The following UMAD1 variants were observed in gnomAD, a reference collection of about 807,000 sequenced individuals.
The protein encoded by UMAD1 is UBAP1-MVB12-associated (UMA)-domain containing protein 1.
A neutral mutation model predicts 6.1 loss-of-function variants in UMAD1; 8 were observed. The ratio of observed to expected loss-of-function variants is 1.30; its 90% CI spans 0.76 to 2.35. The LOEUF is 2.35. Among genes scored for constraint, UMAD1 ranks in the 30% most tolerant of loss-of-function variants. The pLI is 0.00. For missense variants in UMAD1, 130 were observed against 78.4 expected, an observed-to-expected ratio of 1.66 and a Z score of -2.49; for synonymous variants, 56 against 31.4, an observed-to-expected ratio of 1.78 and a Z score of -2.61.
At chr7:7,693,613 T>C (rs1780233647) in intron 2 of UMAD1, among the ~76,000 whole-genome samples, 1 of 152,162 alleles carries the variant, frequency 6.6e-6, no homozygotes, top group Non-Finnish European at 1.5e-5. Context: ...GGTGAAATTC[T>C]ACTATATTTT....
chr7:7,659,244 TA>T (rs1323084673), intron 1 of UMAD1, among the ~76,000 whole-genome samples: 1 of 152,110 alleles, frequency 6.6e-6, no homozygotes, highest in Non-Finnish European at 1.5e-5. Flanking sequence ...GTTGATCTTT[TA>T]AAAAAGCCAG....
At chr7:7,810,857 TTTAGGTTTAAGGTCTCTTAA>T (rs1486201630) in intron 3 of UMAD1, among the ~76,000 whole-genome samples, 1 of 152,186 alleles carries the variant, frequency 6.6e-6, no homozygotes, top group Non-Finnish European at 1.5e-5. Context: ...CCTTGACTCA[TTTAGGTTTAAGGTCTCTTAA>T]TTAGTTGATC....
chr7:7,653,603 T>C (rs1785275880), intron 1 of UMAD1, among the ~76,000 whole-genome samples: 1 of 152,242 alleles, frequency 6.6e-6, no homozygotes, highest in African/African-American at 2.4e-5. Flanking sequence ...ACATTTTTTA[T>C]TATTCACTGT....
intron 2 of UMAD1, among the ~76,000 whole-genome samples, chr7:7,694,021 T>C (rs1780244456): frequency 6.6e-6 from 1 of 152,196 alleles, no homozygotes; most frequent in Admixed American, 6.5e-5. Flanking sequence ...ATAAGGCAAC[T>C]GAGTTTTTTT....
chr7:7,662,683 C>G (rs1328639428), intron 1 of UMAD1, among the ~76,000 whole-genome samples: 1 of 152,262 alleles, frequency 6.6e-6, no homozygotes, highest in African/African-American at 2.4e-5. Context: ...AGCCGGGTAC[C>G]TCAGTTGGAA....
At chr7:7,817,132 T>C (rs1371420168) in intron 3 of UMAD1, among the ~76,000 whole-genome samples, 2 of 152,240 alleles carry the variant, frequency 1.3e-5, no homozygotes, top group Non-Finnish European at 2.9e-5. Flanking sequence ...GTCACTTCTC[T>C]GAAGAACTTT....
intron 2 of UMAD1, among the ~76,000 whole-genome samples, chr7:7,778,263 TGTGTGTGTGTGTGA>T (rs1239571312): frequency 2.6e-4 from 36 of 135,872 alleles, no homozygotes; most frequent in Middle Eastern, 3.9e-3. Context: ...TGTGTGTGTG[TGTGTGTGTGTGTGA>T]GAGAGAGAGA....
At chr7:7,787,767 T>C (rs1021573915) in intron 2 of UMAD1, among the ~76,000 whole-genome samples, 1 of 152,222 alleles carries the variant, frequency 6.6e-6, no homozygotes, top group South Asian at 2.1e-4. Flanking sequence ...AAGTATCTTA[T>C]AGCTGAGCTA....
intron 3 of UMAD1, among the ~76,000 whole-genome samples, chr7:7,814,741 T>TA (rs1783091330): frequency 6.6e-6 from 1 of 152,154 alleles, no homozygotes; most frequent in South Asian, 2.1e-4. Flanking sequence ...AAATCATACA[T>TA]AGGGGTTTGA....
intron 2 of UMAD1, among the ~76,000 whole-genome samples, chr7:7,751,190 C>T (rs1563177752): frequency 6.6e-6 from 1 of 152,210 alleles, no homozygotes; most frequent in Non-Finnish European, 1.5e-5. Context: ...GTATTGAGCT[C>T]TGTCGTTGAC....
intron 1 of UMAD1, chr7:7,641,462 C>G (rs758938869): frequency 6.6e-6 from 1 of 152,208 alleles, no homozygotes; most frequent in South Asian, 2.1e-4. Flanking sequence ...TTTGCAAGGT[C>G]CCAGTTGACT....
intron 1 of UMAD1, among the ~76,000 whole-genome samples, chr7:7,645,910 AAGAC>A (rs1419552743): frequency 1.3e-5 from 2 of 151,802 alleles, no homozygotes; most frequent in Non-Finnish European, 2.9e-5. Flanking sequence ...TTATGGTTAT[AAGAC>A]AGGAGAATTC....
intron 2 of UMAD1, among the ~76,000 whole-genome samples, chr7:7,782,956 C>T (rs766894748): frequency 7.2e-5 from 11 of 152,156 alleles, no homozygotes; most frequent in South Asian, 6.2e-4. Flanking sequence ...TGGTCTTGAA[C>T]GCCTGACTTC....
chr7:7,704,784 A>AATTTTT (rs1255131720), intron 2 of UMAD1, among the ~76,000 whole-genome samples: 6 of 149,966 alleles, frequency 4.0e-5, no homozygotes, highest in Non-Finnish European at 8.9e-5. Context: ...AAAAAAAAAA[A>AATTTTT]AAAAAAAAAG....
chr7:7,752,237 G>T (rs1288994428), intron 2 of UMAD1, among the ~76,000 whole-genome samples: 1 of 152,106 alleles, frequency 6.6e-6, no homozygotes, highest in Non-Finnish European at 1.5e-5. Context: ...GTAATGCATT[G>T]AAAAGAAAAG....
chr7:7,754,513 C>T lies in UMAD1; in HGVS notation c.83-47157C>T, dbSNP rs895417315. Among the ~76,000 whole-genome samples the T allele has an allele frequency of 3.3e-5, 5 of 152,294 alleles. No homozygotes were observed. In the South Asian group the frequency reaches 1.0e-3, roughly 32 times the overall value. On this transcript the variant is annotated intron_variant, in intron 2 of 3. Transcript: ENST00000682710. ...TTATATATACTGGTTATTAATCCCG[C>T]ATCAAATGGGTAGCTTTCCTTATGT...
At chr7:7,818,952 C>T (rs1055118714) in intron 3 of UMAD1, among the ~76,000 whole-genome samples, 2 of 152,180 alleles carry the variant, frequency 1.3e-5, no homozygotes, top group Non-Finnish European at 2.9e-5. Flanking sequence ...CAGGTCCAAG[C>T]GATTCTCCTG....
chr7:7,671,394 G>C (rs535892410), intron 1 of UMAD1, among the ~76,000 whole-genome samples: 1 of 152,308 alleles, frequency 6.6e-6, no homozygotes, highest in Non-Finnish European at 1.5e-5. Context: ...TTTATCCCAA[G>C]AGAAAGAATT....
At chr7:7,749,350 G>T (rs1055678053) in intron 2 of UMAD1, among the ~76,000 whole-genome samples, 3 of 152,172 alleles carry the variant, frequency 2.0e-5, no homozygotes, top group African/African-American at 7.2e-5. Context: ...CTTTCCAGCA[G>T]TGCACACTTT....
Sources: allele counts gnomAD v4.1 joint callset (sites outside exome capture counted in the v4.1 genomes callset), GRCh38; gene constraint gnomAD v4.1.1; transcripts MANE v1.5; gene names NCBI Gene and HGNC (gene_info 2026-07-23, HGNC 2026-07-21).